Variants in SLC45A4 observed in about 807,000 individuals in gnomAD.
SLC45A4 encodes the protein polyamine-transporter SLC45A4.
Under a neutral mutation model 63.7 loss-of-function variants are expected in SLC45A4, and 32 were observed. The ratio of observed to expected loss-of-function variants is 0.50; its 90% CI spans 0.38 to 0.67. SLC45A4 has a LOEUF of 0.67. SLC45A4 is among the 30% of genes least tolerant of loss of function. SLC45A4 has a pLI of 0.00. For synonymous variants in SLC45A4, 535 were observed against 510.0 expected (o/e 1.05, Z -0.66); for missense variants, 1,027 against 1,157.7 (o/e 0.89, Z 1.64).
intron 1 of SLC45A4, among the ~76,000 whole-genome samples, chr8:141,284,762 C>T (rs773697785): frequency 5.9e-5 from 9 of 152,146 alleles, no homozygotes; most frequent in African/African-American, 2.2e-4. Context: ...CTGCCTGGGT[C>T]CCATGAAGAA....
At chr8:141,262,140 G>C (rs1489395276) in intron 1 of SLC45A4, among the ~76,000 whole-genome samples, 1 of 151,386 alleles carries the variant, frequency 6.6e-6, no homozygotes, top group South Asian at 2.1e-4. Context: ...TTAATAAATG[G>C]TGCTGGGAAA....
chr8:141,267,895 C>T (rs915369974), intron 1 of SLC45A4, among the ~76,000 whole-genome samples: 18 of 152,184 alleles, frequency 1.2e-4, no homozygotes, highest in East Asian at 1.9e-4. Flanking sequence ...CTTCGAAAGA[C>T]GGTTTGCCCA....
chr8:141,255,569 A>T lies in SLC45A4; in HGVS notation c.-400-940T>A, dbSNP rs562565857. Reference sequence around the variant, plus strand: ...CATCTCTACTAAAAATACAAAAATTAGCCAGGCATGGTGGCGGGCGCCTGT... The same window carrying T: ...CATCTCTACTAAAAATACAAAAATTTGCCAGGCATGGTGGCGGGCGCCTGT... On this transcript the variant is annotated intron_variant, in intron 1 of 8. Transcript: ENST00000517878. Among the ~76,000 whole-genome samples the T allele has an allele frequency of 1.6e-3, 247 of 152,310 alleles. 2 individuals are homozygous for T. Among genetic ancestry groups the T allele is most frequent in the Non-Finnish European group, 2.6e-3 (178 of 68,020 alleles).
intron 1 of SLC45A4, among the ~76,000 whole-genome samples, chr8:141,290,314 T>G (rs1296478431): frequency 1.2e-4 from 18 of 151,774 alleles, no homozygotes; most frequent in Admixed American, 1.2e-3. Flanking sequence ...AGGCCCCAAG[T>G]GCCGCAGCTC....
intron 1 of SLC45A4, among the ~76,000 whole-genome samples, chr8:141,267,457 C>T (rs932484638): frequency 8.5e-5 from 13 of 152,196 alleles, no homozygotes; most frequent in African/African-American, 2.7e-4. Flanking sequence ...TACTTGATGA[C>T]GCCGGACAGT....
intron 2 of SLC45A4, among the ~76,000 whole-genome samples, chr8:141,249,699 A>T (rs955792774): frequency 6.6e-6 from 1 of 152,196 alleles, no homozygotes; most frequent in Non-Finnish European, 1.5e-5. Flanking sequence ...TCCAAATCCA[A>T]TCATAAGCAC....
intron 1 of SLC45A4, among the ~76,000 whole-genome samples, chr8:141,270,437 G>A (rs1482323381): frequency 6.6e-6 from 1 of 151,438 alleles, no homozygotes; most frequent in Admixed American, 6.6e-5. Context: ...ACTTTGGGAG[G>A]CTGAGGCGGG....
intron 2 of SLC45A4, chr8:141,230,164 G>C (rs1345500741): frequency 2.2e-6 from 1 of 455,284 alleles, no homozygotes; most frequent in Non-Finnish European, 4.4e-6. Flanking sequence ...CTTGGAAGTA[G>C]GTTTCCCAGA....
chr8:141,301,943 C>A (rs1383129153), intron 1 of SLC45A4, among the ~76,000 whole-genome samples: 2 of 151,442 alleles, frequency 1.3e-5, no homozygotes, highest in African/African-American at 4.9e-5. Flanking sequence ...GCCTGGGTGA[C>A]AGAGGGAAAC....
rs201879517 is a variant in SLC45A4 at position 141,212,526 on chromosome 8, G to A, written c.1972C>T (p.Arg658Ter). ...ATGGCACAATCTATGCCAAACCCTC[G>A]CTTGGAGTTCCCGGGGCTGTGGTGG... ...YIHHSPGNSK[R>*]GFGIDCAILS... is the part of the protein sequence containing the mutation. Residue 658 changes from arginine (R) to a stop codon, truncating the protein, a stop_gained, in exon 8 of 9, where the codon CGA (arginine) becomes TGA (stop). Coordinates refer to ENST00000517878, the MANE Select transcript of SLC45A4 (RefSeq NM_001286646.2). LOFTEE classifies it high-confidence loss of function. 4.3e-6 allele frequency: 7 copies of A among 1,609,714 alleles called. No individual in the cohort carries two copies. The highest frequency in any genetic ancestry group is 2.7e-5 in the African/African-American group (2 of 74,968).
intron 2 of SLC45A4, among the ~76,000 whole-genome samples, chr8:141,245,642 C>T (rs1828152610): frequency 6.6e-6 from 1 of 152,144 alleles, no homozygotes; most frequent in South Asian, 2.1e-4. Flanking sequence ...ACCTGCCGCT[C>T]AGAGGAGGCT....
At chr8:141,286,096 C>T (rs998962850) in intron 1 of SLC45A4, among the ~76,000 whole-genome samples, 5 of 152,156 alleles carry the variant, frequency 3.3e-5, no homozygotes, top group Non-Finnish European at 5.9e-5. Flanking sequence ...GGCTCCCCTC[C>T]GCTGGGGACT....
intron 1 of SLC45A4, among the ~76,000 whole-genome samples, chr8:141,277,654 T>C (rs1303787204): frequency 6.6e-6 from 1 of 152,268 alleles, no homozygotes; most frequent in East Asian, 1.9e-4. Flanking sequence ...ACATTTTTTT[T>C]TTTGAGATGG....
At position 141,211,305 on chromosome 8, in the gene SLC45A4, C is replaced by T. The variant is rs549866765; in HGVS notation, c.*267G>A. On this transcript the variant is annotated 3_prime_UTR_variant, in exon 9 of 9. Coordinates refer to ENST00000517878, the MANE Select transcript of SLC45A4 (RefSeq NM_001286646.2). ...TGGCCTCCTAGGAGAGTCCTTCAGA[C>T]GGGACGAGCGGGGTCACATGGCTGG... 7.1e-5 allele frequency: 73 copies of T among 1,028,674 alleles called. No homozygotes were observed. The highest frequency in any genetic ancestry group is 3.0e-4 in the African/African-American group (18 of 60,404). The allele number at this position is 1,028,674 out of a possible 1,614,324, so 63.7% of individuals were successfully genotyped here.
intron 1 of SLC45A4, among the ~76,000 whole-genome samples, chr8:141,288,627 A>ACTGTC (rs1397626486): frequency 3.3e-5 from 5 of 152,354 alleles, no homozygotes; most frequent in Admixed American, 6.5e-5. Flanking sequence ...TGACTATGGC[A>ACTGTC]CTGTCCTGTC....
rs61995886 is a variant in SLC45A4, at chr8:141,218,743, G to A, written c.897C>T (p.Asp299=). 1.3e-3 allele frequency: 2,149 copies of A among 1,611,300 alleles called. 19 individuals carry two copies. In the African/African-American group the frequency reaches 0.019, roughly 14 times the overall value. ...CGCTTTTGCTGCGCATGATGTCCACGTCCGGGTAGTCCAGGGCCAGCTCGT... is the reference window on the plus strand; with the variant it reads ...CGCTTTTGCTGCGCATGATGTCCACATCCGGGTAGTCCAGGGCCAGCTCGT... The part of the protein sequence containing the change: ...SEHELALDYP[D]VDIMRSKSDS... The change falls in exon 5 of 9, where the codon GAC becomes GAT. Residue 299 remains aspartate (D), a synonymous_variant. Transcript: ENST00000517878.
Position 141,281,351 on chromosome 8 carries a change from A to C in SLC45A4, c.-400-26722T>G, listed in dbSNP as rs780574703. Among the ~76,000 whole-genome samples the C allele has an allele frequency of 3.2e-4, 49 of 152,290 alleles. 1 individual carries two copies. Among genetic ancestry groups the C allele is most frequent in the African/African-American group, 9.6e-5 (4 of 41,556 alleles). On this transcript the variant is annotated intron_variant, in intron 1 of 8. Transcript: ENST00000517878. ...AAGACTCCATCTCAAAAAACAAAAA[A>C]ACCTCCGAATCAGTCTCCTACAGTA... is the stretch of plus-strand genomic sequence containing the variant.
At position 141,215,982 on chromosome 8, in the gene SLC45A4, G is replaced by A; in HGVS notation, c.1730-12C>T. The A allele has an allele frequency of 6.2e-7, 1 of 1,610,982 alleles. No individual in the cohort carries two copies. The highest frequency in any genetic ancestry group is 8.5e-7 in the Non-Finnish European group (1 of 1,178,998). The stretch of plus-strand genomic sequence containing the variant: ...CTTCTGTAACAGGGCTGCAGAGAGG[G>A]GCACAGGGACAAGGACAGTGGGCAG... On this transcript the variant is annotated splice_polypyrimidine_tract_variant and intron_variant, in intron 6 of 8. Coordinates refer to ENST00000517878, the MANE Select transcript of SLC45A4 (RefSeq NM_001286646.2). This position sits in a 1 kb window ranked among gnomAD's most constrained non-coding sequence, Gnocchi z 4.3.
intron 2 of SLC45A4, among the ~76,000 whole-genome samples, chr8:141,233,055 C>T (rs1383393428): frequency 6.6e-6 from 1 of 152,238 alleles, no homozygotes; most frequent in African/African-American, 2.4e-5. Context: ...GAAAGGGAGT[C>T]GGGCATTAGG....
Sources: allele counts gnomAD v4.1 joint callset (sites outside exome capture counted in the v4.1 genomes callset), GRCh38; gene constraint gnomAD v4.1.1; non-coding constraint Gnocchi (gnomAD v3.1); transcripts MANE v1.5; gene names NCBI Gene and HGNC (gene_info 2026-07-23, HGNC 2026-07-21).